KAZN: variants seen among roughly 807,000 people sequenced by gnomAD.
KAZN encodes the protein kazrin, periplakin interacting protein.
Under a neutral mutation model 87.4 loss-of-function variants are expected in KAZN, and 40 were observed. The observed-to-expected ratio is 0.46, with a 90% CI of 0.36 to 0.60. The LOEUF (loss-of-function observed/expected upper bound fraction) is 0.60, where lower values mean the gene tolerates loss of function less well. Ranked by LOEUF, KAZN falls within the 20% of genes least tolerant of loss-of-function variation. The pLI is 0.00. For synonymous variants in KAZN, 466 were observed against 458.3 expected (o/e 1.02, Z -0.22); for missense variants, 898 against 1,073.9 (o/e 0.84, Z 2.29).
chr1:14,511,694 G>GC (rs1306185206), intron 2 of KAZN, among the ~76,000 whole-genome samples: 1 of 152,160 alleles, frequency 6.6e-6, no homozygotes, highest in Non-Finnish European at 1.5e-5. Context: ...ACCATGTCAG[G>GC]CTAAGGGACT....
At chr1:14,158,742 C>T (rs116754725) in intron 1 of KAZN, among the ~76,000 whole-genome samples, 343 of 152,184 alleles carry the variant, frequency 2.3e-3, no homozygotes, top group South Asian at 2.9e-3. Context: ...TGTTTTTACC[C>T]GTCCTTCTTG....
chr1:14,439,122 T>C (rs1029994348), intron 2 of KAZN, among the ~76,000 whole-genome samples: 1 of 152,212 alleles, frequency 6.6e-6, no homozygotes, highest in African/African-American at 2.4e-5. Flanking sequence ...TATCCAAAAC[T>C]GAACTCATCG....
chr1:14,792,418 C>T (rs1275151967), intron 1 of KAZN, among the ~76,000 whole-genome samples: 2 of 152,154 alleles, frequency 1.3e-5, no homozygotes, highest in Non-Finnish European at 2.9e-5. Context: ...AAGTACTTAC[C>T]AAACGTGGTG....
intron 2 of KAZN, among the ~76,000 whole-genome samples, chr1:14,412,100 G>C (rs1208431106): frequency 6.6e-6 from 1 of 151,996 alleles, no homozygotes; most frequent in Non-Finnish European, 1.5e-5. Context: ...CATTCTCAGG[G>C]GGTCATAGGA....
Position 14,108,671 on chromosome 1 carries a change from C to T in KAZN, c.92-71764C>T, listed in dbSNP as rs556729499. Among the ~76,000 whole-genome samples, 39 of 152,248 alleles carry T rather than the reference C, an allele frequency of 2.6e-4. 1 individual carries two copies. The highest frequency in any genetic ancestry group is 8.7e-4 in the African/African-American group (36 of 41,544). On this transcript the variant is annotated intron_variant, in intron 1 of 16. Transcript: ENST00000636203. ...CCTCTATCTGTGCCTTGTCCTCTTA[C>T]GTATCCCCAAAGTGACCCTTTATCT... is the stretch of plus-strand genomic sequence containing the variant.
chr1:14,807,501 GC>G (rs1381730541), intron 1 of KAZN, among the ~76,000 whole-genome samples: 5 of 152,130 alleles, frequency 3.3e-5, no homozygotes, highest in African/African-American at 1.2e-4. Context: ...ATGCATGGTG[GC>G]TCACACCCGT....
At chr1:14,346,758 T>C (rs1032947778) in intron 2 of KAZN, among the ~76,000 whole-genome samples, 2 of 152,174 alleles carry the variant, frequency 1.3e-5, no homozygotes, top group African/African-American at 2.4e-5. Flanking sequence ...ATCATGCATA[T>C]GCACTAAGAT....
chr1:14,531,949 G>A (rs565695446), intron 2 of KAZN, among the ~76,000 whole-genome samples: 12 of 152,234 alleles, frequency 7.9e-5, no homozygotes, highest in African/African-American at 2.6e-4. Context: ...GAAGGTGCTG[G>A]GATGTGCTGG....
chr1:14,941,255 C>A (rs1333552062), intron 1 of KAZN, among the ~76,000 whole-genome samples: 1 of 152,146 alleles, frequency 6.6e-6, no homozygotes, highest in Non-Finnish European at 1.5e-5. Context: ...TGCATCCCCA[C>A]CCCAGTGCCA....
At chr1:14,384,373 G>A (rs1462749962) in intron 2 of KAZN, among the ~76,000 whole-genome samples, 143 of 151,708 alleles carry the variant, frequency 9.4e-4, no homozygotes, top group African/African-American at 3.2e-3. Flanking sequence ...GTGGTGAGAG[G>A]GGGCATTCCT....
At chr1:13,900,525 G>T (rs1202136878) in intron 1 of KAZN, among the ~76,000 whole-genome samples, 1 of 152,142 alleles carries the variant, frequency 6.6e-6, no homozygotes, top group Non-Finnish European at 1.5e-5. Flanking sequence ...GTGAAGTGGG[G>T]TCCTCATAGC....
chr1:14,978,959 C>A (rs527833484), intron 2 of KAZN, among the ~76,000 whole-genome samples: 1 of 151,966 alleles, frequency 6.6e-6, no homozygotes, highest in African/African-American at 2.4e-5. Flanking sequence ...GGCTGGAGTG[C>A]AATGGCGCAA....
intron 2 of KAZN, among the ~76,000 whole-genome samples, chr1:14,441,860 G>A (rs1394194556): frequency 6.6e-6 from 1 of 152,172 alleles, no homozygotes; most frequent in Non-Finnish European, 1.5e-5. Flanking sequence ...GTATGGTAAA[G>A]GCAACACTGG....
intron 1 of KAZN, among the ~76,000 whole-genome samples, chr1:14,057,004 A>G (rs1394551276): frequency 1.4e-5 from 2 of 147,042 alleles, no homozygotes; most frequent in African/African-American, 2.6e-5. Flanking sequence ...TGATCACACC[A>G]CTGTACTCCA....
chr1:14,187,362 C>T (rs1373430770), intron 2 of KAZN, among the ~76,000 whole-genome samples: 2 of 152,138 alleles, frequency 1.3e-5, no homozygotes, highest in African/African-American at 2.4e-5. Context: ...ACACACTACC[C>T]TCTCAGACTC....
chr1:14,770,929 G>A (rs76392717), intron 1 of KAZN, among the ~76,000 whole-genome samples: 5,926 of 152,180 alleles, frequency 0.039, 419 homozygotes, highest in African/African-American at 0.13. Flanking sequence ...GAGGGTAAGG[G>A]GAACAGGGAG....
At position 14,079,158 on chromosome 1, in the gene KAZN, G is replaced by A. The variant is rs1287938819; in HGVS notation, c.92-101277G>A. Among the ~76,000 whole-genome samples, 4 of 152,230 alleles carry A rather than the reference G, an allele frequency of 2.6e-5. No homozygotes were observed. In the South Asian group the frequency reaches 6.2e-4, roughly 24 times the overall value. ...GCTTCTGGGGAGGGCCTCAGGAAGC[G>A]TCAGCTCATTGCAGAAGGCAGAGAA... is the stretch of plus-strand genomic sequence containing the variant. On this transcript the variant is annotated intron_variant, in intron 1 of 16. Coordinates refer to the KAZN transcript ENST00000636203.
intron 1 of KAZN, among the ~76,000 whole-genome samples, chr1:14,815,116 G>C (rs1329341071): frequency 2.0e-5 from 3 of 152,120 alleles, no homozygotes; most frequent in African/African-American, 7.2e-5. Context: ...ACTGACAAGG[G>C]TGTGACCTGC....
chr1:14,727,553 C>G (rs1189076180), intron 1 of KAZN, among the ~76,000 whole-genome samples: 1 of 139,702 alleles, frequency 7.2e-6, no homozygotes, highest in Non-Finnish European at 1.5e-5. Context: ...GATCTCGGCA[C>G]ACTGCAACCT....
Sources: allele counts gnomAD v4.1 joint callset (sites outside exome capture counted in the v4.1 genomes callset), GRCh38; gene constraint gnomAD v4.1.1; transcripts MANE v1.5; gene names NCBI Gene and HGNC (gene_info 2026-07-23, HGNC 2026-07-21).